Variants in CFAP20DC observed in about 807,000 individuals in gnomAD.
The protein encoded by CFAP20DC is protein CFAP20DC.
Under a neutral mutation model 101.7 loss-of-function variants are expected in CFAP20DC, and 84 were observed. That is an observed-to-expected ratio of 0.83 (90% confidence interval 0.69 to 0.99). The LOEUF is 0.99. Among genes scored for constraint, CFAP20DC ranks in the 50% least tolerant of loss-of-function variants. CFAP20DC has a pLI of 0.00. For missense variants in CFAP20DC, 1,007 were observed against 970.3 expected (o/e 1.04, Z -0.50); for synonymous variants, 359 against 351.2 (o/e 1.02, Z -0.25).
intron 4 of CFAP20DC, among the ~76,000 whole-genome samples, chr3:58,943,089 A>T (rs1159745352): frequency 6.6e-6 from 1 of 152,232 alleles, no homozygotes; most frequent in Non-Finnish European, 1.5e-5. Context: ...GCACTTATAG[A>T]TAAAATTCCC....
At chr3:58,931,189 C>G (rs2086617956) in intron 5 of CFAP20DC, among the ~76,000 whole-genome samples, 1 of 152,100 alleles carries the variant, frequency 6.6e-6, no homozygotes. Context: ...AGTCTGAGAT[C>G]AAACTGCAAG....
intron 16 of CFAP20DC, among the ~76,000 whole-genome samples, chr3:58,750,461 C>T (rs564137841): frequency 7.9e-5 from 12 of 152,176 alleles, no homozygotes; most frequent in South Asian, 2.1e-4. Context: ...CATGTAGGCC[C>T]GGAACACAGG....
At chr3:58,830,979 G>A (rs1331827164) in intron 14 of CFAP20DC, among the ~76,000 whole-genome samples, 1 of 152,182 alleles carries the variant, frequency 6.6e-6, no homozygotes, top group Non-Finnish European at 1.5e-5. Context: ...CAGTATTGTA[G>A]AGAATGGACT....
chr3:58,985,688 T>C (rs1441719118), intron 4 of CFAP20DC, among the ~76,000 whole-genome samples: 1 of 152,180 alleles, frequency 6.6e-6, no homozygotes, highest in African/African-American at 2.4e-5. Flanking sequence ...ATGAAACCCG[T>C]TAGCAACATC....
chr3:58,931,386 A>T (rs1214796155), intron 5 of CFAP20DC, among the ~76,000 whole-genome samples: 19 of 152,246 alleles, frequency 1.2e-4, no homozygotes, highest in Non-Finnish European at 2.9e-5. Flanking sequence ...CTGCAGACTT[A>T]AATGTCCCTG....
At chr3:58,992,067 G>C (rs551206479) in intron 4 of CFAP20DC, among the ~76,000 whole-genome samples, 1 of 152,228 alleles carries the variant, frequency 6.6e-6, no homozygotes, top group South Asian at 2.1e-4. Flanking sequence ...TATGAAATGG[G>C]TTAGCATTGT....
chr3:58,998,695 T>C (rs2093215009), intron 4 of CFAP20DC, among the ~76,000 whole-genome samples: 2 of 152,144 alleles, frequency 1.3e-5, no homozygotes, highest in Non-Finnish European at 2.9e-5. Flanking sequence ...TGAGCAGACA[T>C]GACTCAACAG....
intron 6 of CFAP20DC, among the ~76,000 whole-genome samples, chr3:58,890,070 C>A (rs1273543306): frequency 6.6e-6 from 1 of 150,890 alleles, no homozygotes; most frequent in African/African-American, 2.4e-5. Flanking sequence ...CTGTTGGGCA[C>A]ACCTCCCAGA....
chr3:58,964,818 C>T lies in CFAP20DC; in HGVS notation c.279-27056G>A, dbSNP rs2091414815. On this transcript the variant is annotated intron_variant, in intron 4 of 16. Transcript: ENST00000482387. This position sits in a 1 kb window ranked among gnomAD's most constrained non-coding sequence, Gnocchi z 4.1. ...TTACATCATTGTATACTGATTTTTG[C>T]AGGTATTTCTATTTTCTAAAGATAG... Among the ~76,000 whole-genome samples, 1 of 152,102 alleles carries T rather than the reference C, an allele frequency of 6.6e-6. No homozygotes were observed. The highest frequency in any genetic ancestry group is 2.1e-4 in the South Asian group (1 of 4,822).
At position 59,007,802 on chromosome 3, in the gene CFAP20DC, C is replaced by T. The variant is rs942902487; in HGVS notation, c.278+31755G>A. The stretch of plus-strand genomic sequence containing the variant: ...AGTACAGCTCTCAGGAAGCCTCATC[C>T]CTAGGGGAAGTGGGAGAGCACCCTA... On this transcript the variant is annotated intron_variant, in intron 4 of 16. Coordinates refer to ENST00000482387, the MANE Select transcript of CFAP20DC (RefSeq NM_001394063.1). The surrounding 1 kb of genome is among the most constrained non-coding windows in gnomAD (Gnocchi z 4.4). 2.0e-5 allele frequency among the ~76,000 whole-genome samples: 3 copies of T among 152,232 alleles called. No individual in the cohort carries two copies. The highest frequency in any genetic ancestry group is 1.9e-4 in the East Asian group (1 of 5,166).
Position 59,049,691 on chromosome 3 carries a change from G to C in CFAP20DC, c.-60C>G. 1 of 1,524,174 alleles carries C rather than the reference G, an allele frequency of 6.6e-7. No homozygotes were observed. Among genetic ancestry groups the C allele is most frequent in the Non-Finnish European group, 8.8e-7 (1 of 1,140,312 alleles). 94.4% of individuals were successfully genotyped at this position (1,524,174 alleles called of 1,614,324 possible). On this transcript the variant is annotated 5_prime_UTR_variant, in exon 1 of 17. Coordinates refer to ENST00000482387, the MANE Select transcript of CFAP20DC (RefSeq NM_001394063.1). Reference sequence around the variant, plus strand: ...GTTCAGGGTTTCCAGCGAGTGGCGTGACCCTGACGGCTGGAAATCGGCTGG... The same window carrying C: ...GTTCAGGGTTTCCAGCGAGTGGCGTCACCCTGACGGCTGGAAATCGGCTGG...
chr3:58,824,480 T>C (rs546661234), intron 14 of CFAP20DC: 2 of 152,270 alleles, frequency 1.3e-5, no homozygotes, highest in South Asian at 4.2e-4. Context: ...CAGCTTTGCT[T>C]TTCCATGATC....
In CFAP20DC at chr3:58,813,187, T is replaced by G. The variant is rs189288435; in HGVS notation, c.2176-6731A>C. 2.4e-4 allele frequency among the ~76,000 whole-genome samples: 36 copies of G among 151,984 alleles called. 1 individual carries two copies. The highest frequency in any genetic ancestry group is 8.7e-4 in the African/African-American group (36 of 41,312). On this transcript the variant is annotated intron_variant, in intron 14 of 16. Coordinates refer to ENST00000482387, the MANE Select transcript of CFAP20DC (RefSeq NM_001394063.1). ...ATGATGCCAATACCTAACAAAAATG[T>G]GAAATCTCAAATTTTCCCTCCACAG...
chr3:58,807,131 C>T (rs1188524822), intron 14 of CFAP20DC, among the ~76,000 whole-genome samples: 1 of 152,228 alleles, frequency 6.6e-6, no homozygotes, highest in Non-Finnish European at 1.5e-5. Flanking sequence ...GGCTCCACCT[C>T]TGGGGGCGGG....
intron 7 of CFAP20DC, among the ~76,000 whole-genome samples, chr3:58,877,492 A>G (rs1182206905): frequency 2.0e-5 from 3 of 152,202 alleles, no homozygotes; most frequent in African/African-American, 4.8e-5. Flanking sequence ...TACATGCTCA[A>G]TCTTTCTGCA....
chr3:58,818,333 G>A (rs1575748516), intron 14 of CFAP20DC, among the ~76,000 whole-genome samples: 1 of 147,918 alleles, frequency 6.8e-6, no homozygotes, highest in South Asian at 2.2e-4. Flanking sequence ...CCAATTAAAA[G>A]ACACAGACTG....
At chr3:58,807,423 C>A (rs1393110657) in intron 14 of CFAP20DC, among the ~76,000 whole-genome samples, 1 of 152,214 alleles carries the variant, frequency 6.6e-6, no homozygotes, top group Non-Finnish European at 1.5e-5. Context: ...ATCCGCTGTT[C>A]TGCAGCCACC....
chr3:58,985,908 T>A (rs1406007470), intron 4 of CFAP20DC, among the ~76,000 whole-genome samples: 1 of 152,226 alleles, frequency 6.6e-6, no homozygotes, highest in South Asian at 2.1e-4. Context: ...TGGAACAGTC[T>A]CTGGAATCTT....
At position 58,894,977 on chromosome 3, in the gene CFAP20DC, TA is replaced by T. The variant is rs1235034822; in HGVS notation, c.551-10269del. 6.6e-6 allele frequency among the ~76,000 whole-genome samples: 1 copy of T among 152,234 alleles called. No homozygotes were observed. Among genetic ancestry groups the T allele is most frequent in the Non-Finnish European group, 1.5e-5 (1 of 68,040 alleles). ...GCCTAAGCTCTATGTTGGCCCCTTG[TA>T]GCCATGGCTGGAGCAGCTGGGTCAC... is the stretch of plus-strand genomic sequence containing the variant. On this transcript the variant is annotated intron_variant, in intron 6 of 16. Transcript: ENST00000482387. This position sits in a 1 kb window ranked among gnomAD's most constrained non-coding sequence, Gnocchi z 4.1.
Sources: gnomAD v4.1 joint callset for allele counts (sites outside exome capture counted in the v4.1 genomes callset) on GRCh38, gnomAD v4.1.1 for gene constraint, Gnocchi (gnomAD v3.1) non-coding constraint, MANE v1.5 for transcripts, NCBI Gene and HGNC (gene_info 2026-07-23, HGNC 2026-07-21) for gene names.